Variants in WASHC5 observed in about 807,000 individuals in gnomAD.
The protein encoded by WASHC5 is WASH complex subunit strumpellin.
In WASHC5, 101 loss-of-function variants were observed where a neutral mutation model predicts 150.4. The ratio of observed to expected loss-of-function variants is 0.67; its 90% CI spans 0.57 to 0.79. The LOEUF is 0.79. Among genes scored for constraint, WASHC5 ranks in the 30% least tolerant of loss-of-function variants. The probability of loss-of-function intolerance (pLI) is 0.00; values close to 1 mark genes in which losing one functional copy is unlikely to be tolerated. For missense variants in WASHC5, 1,195 were observed against 1,396.3 expected, an observed-to-expected ratio of 0.86 and a Z score of 2.30; for synonymous variants, 467 against 491.2, an observed-to-expected ratio of 0.95 and a Z score of 0.65.
intron 17 of WASHC5, among the ~76,000 whole-genome samples, chr8:125,052,961 G>A (rs1816287583): frequency 6.6e-6 from 1 of 152,056 alleles, no homozygotes; most frequent in East Asian, 1.9e-4. Flanking sequence ...CTACAGTTGG[G>A]CAATATCATC....
intron 1 of WASHC5, among the ~76,000 whole-genome samples, chr8:125,091,139 T>C (rs1012896254): frequency 1.9e-4 from 28 of 149,544 alleles, no homozygotes; most frequent in South Asian, 1.1e-3. Context: ...TTTTTTTTTT[T>C]CCCCCAAATG....
intron 25 of WASHC5, 133 bp from the exon 26 acceptor site, chr8:125,037,466 T>C: frequency 1.5e-6 from 1 of 683,534 alleles, no homozygotes; most frequent in Non-Finnish European, 2.6e-6. Flanking sequence ...GATGGTTCCA[T>C]TAATTTGCTG....
rs1249273582 is a variant in WASHC5 at position 125,078,848 on chromosome 8, C to T, written c.601G>A (p.Ala201Thr). 4 of 1,613,914 alleles carry T rather than the reference C, an allele frequency of 2.5e-6. No homozygotes were observed. Among genetic ancestry groups the T allele is most frequent in the Non-Finnish European group, 3.4e-6 (4 of 1,179,880 alleles). Residue 201 changes from alanine (A) to threonine (T), a missense_variant, in exon 6 of 29, where the codon GCC (alanine) becomes ACC (threonine). Physicochemically the swap from Ala to Thr is moderately conservative, Grantham distance 58. Transcript: ENST00000318410. ...RSTGYSSQPGAKRPSNYPESY... is the reference protein window; with the variant it reads ...RSTGYSSQPGTKRPSNYPESY... ...TCGGGATAGTTGGATGGTCTTTTGG[C>T]ACCTGGTTGGCTAGAATAACCTGTA...
At position 125,081,635 on chromosome 8, in the gene WASHC5, G is replaced by C. The variant is rs773076563; in HGVS notation, c.518+26C>G. ...GCATTTTACCGACAGCAGCGTTTCG[G>C]AAGTGTAGTCCTAGCCCAGGAATAC... On this transcript the variant is annotated intron_variant, in intron 5 of 28. Transcript: ENST00000318410. The C allele has an allele frequency of 1.0e-5, 14 of 1,333,848 alleles. No individual in the cohort carries two copies. The East Asian group carries it at 1.1e-4, about 11-fold the overall frequency. The allele number at this position is 1,333,848 out of a possible 1,614,324, so 82.6% of individuals were successfully genotyped here.
intron 20 of WASHC5, among the ~76,000 whole-genome samples, chr8:125,045,448 T>G (rs1816037357): frequency 6.6e-6 from 1 of 152,194 alleles, no homozygotes; most frequent in Non-Finnish European, 1.5e-5. Context: ...TTCAATGGTT[T>G]TCAAACACTG....
At chr8:125,074,955 T>C (rs1196525761) in intron 8 of WASHC5, 43 bp downstream of exon 8, 2 of 1,134,404 alleles carry the variant, frequency 1.8e-6, no homozygotes, top group African/African-American at 3.1e-5. Flanking sequence ...CTTCATAAAC[T>C]AGGCCTGCAG....
At chr8:125,069,490 C>T (rs1288901582) in intron 9 of WASHC5, among the ~76,000 whole-genome samples, 4 of 152,326 alleles carry the variant, frequency 2.6e-5, no homozygotes, top group African/African-American at 9.6e-5. Flanking sequence ...CCCCCTCCTG[C>T]CTTCCTAGTC....
In WASHC5 at chr8:125,067,657, A is replaced by T. The variant is rs1336937876; in HGVS notation, c.1213T>A (p.Tyr405Asn). 6.2e-7 allele frequency: 1 copy of T among 1,613,416 alleles called. No homozygotes were observed. Among genetic ancestry groups the T allele is most frequent in the East Asian group, 2.2e-5 (1 of 44,868 alleles). ...AGCTGGAAGAGGATCCTGGGATTGT[A>T]CCGAGAGTCTGTTAGAATCTGGTCC... is the stretch of plus-strand genomic sequence containing the variant. ...IKDQILTDSR[Y>N]NPRILFQLLL... Residue 405 changes from tyrosine to asparagine, a missense_variant, in exon 10 of 29, where the codon TAC becomes AAC. Tyr to Asn is a moderately radical substitution (Grantham distance 143). Coordinates refer to ENST00000318410, the MANE Select transcript of WASHC5 (RefSeq NM_014846.4).
chr8:125,025,612 A>T (rs1201436559), intron 28 of WASHC5, among the ~76,000 whole-genome samples: 1 of 152,128 alleles, frequency 6.6e-6, no homozygotes, highest in Non-Finnish European at 1.5e-5. Flanking sequence ...CACTTGAACC[A>T]GGGAGGCGGA....
chr8:125,062,283 T>C (rs1422655316), intron 11 of WASHC5, among the ~76,000 whole-genome samples: 4 of 152,196 alleles, frequency 2.6e-5, no homozygotes, highest in South Asian at 2.1e-4. Context: ...TTAAGATGTG[T>C]ATCTTACAGG....
chr8:125,091,342 G>A lies in WASHC5; in HGVS notation c.-125+273C>T, dbSNP rs112860325. Among the ~76,000 whole-genome samples, 259 of 152,254 alleles carry A rather than the reference G, an allele frequency of 1.7e-3. 2 individuals carry two copies. The highest frequency in any genetic ancestry group is 6.0e-3 in the African/African-American group (251 of 41,562). Reference sequence around the variant, plus strand: ...AAATAACGACGACATCCATACAGCAGTGTTCCCGGAAACTTGGAAGGATGA... The same window carrying A: ...AAATAACGACGACATCCATACAGCAATGTTCCCGGAAACTTGGAAGGATGA... On this transcript the variant is annotated intron_variant, in intron 1 of 28. Coordinates refer to ENST00000318410, the MANE Select transcript of WASHC5 (RefSeq NM_014846.4).
chr8:125,043,166 T>C (rs1373649288), intron 23 of WASHC5, among the ~76,000 whole-genome samples: 2 of 152,170 alleles, frequency 1.3e-5, no homozygotes, highest in African/African-American at 4.8e-5. Flanking sequence ...CTGGGTATAA[T>C]GGGTGTGCAA....
intron 16 of WASHC5, 95 bp downstream of exon 16, chr8:125,056,582 G>A: frequency 7.0e-7 from 1 of 1,426,572 alleles, no homozygotes; most frequent in South Asian, 1.1e-5. Context: ...AATTGGTCTG[G>A]TGGTCCCCAG....
chr8:125,068,625 G>A lies in WASHC5; in HGVS notation c.1151-906C>T, dbSNP rs189720959. 6.7e-3 allele frequency among the ~76,000 whole-genome samples: 1,014 copies of A among 152,298 alleles called. 5 individuals are homozygous for A. The highest frequency in any genetic ancestry group is 9.4e-3 in the Non-Finnish European group (638 of 68,014). On this transcript the variant is annotated intron_variant, in intron 9 of 28. Transcript: ENST00000318410. ...GTGAATCACTGAAGCCAGAGTGGTCGTGGGGAATGCCCGACACAACAAGGA... is the reference window on the plus strand; with the variant it reads ...GTGAATCACTGAAGCCAGAGTGGTCATGGGGAATGCCCGACACAACAAGGA...
intron 12 of WASHC5, among the ~76,000 whole-genome samples, chr8:125,059,996 T>C (rs959340039): frequency 6.6e-6 from 1 of 152,230 alleles, no homozygotes; most frequent in East Asian, 1.9e-4. Context: ...AGTGTGCAAT[T>C]GTTCTGGAAT....
At chr8:125,069,408 A>C (rs1407100688) in intron 9 of WASHC5, among the ~76,000 whole-genome samples, 2 of 152,242 alleles carry the variant, frequency 1.3e-5, no homozygotes, top group African/African-American at 2.4e-5. Context: ...TCTAAGACTT[A>C]AACAGACTTT....
At chr8:125,066,238 A>G (rs1314343535) in intron 10 of WASHC5, among the ~76,000 whole-genome samples, 1 of 152,196 alleles carries the variant, frequency 6.6e-6, no homozygotes, top group African/African-American at 2.4e-5. Flanking sequence ...ATCACTGAAA[A>G]CACTAAGCAC....
intron 26 of WASHC5, among the ~76,000 whole-genome samples, chr8:125,036,114 TCATA>T (rs1375294939): frequency 6.6e-6 from 1 of 152,226 alleles, no homozygotes; most frequent in African/African-American, 2.4e-5. Context: ...TGACATACAA[TCATA>T]CATAAAGTAT....
Position 125,024,593 on chromosome 8 carries a change from C to T in WASHC5, c.*24G>A, listed in dbSNP as rs768266028. 2.6e-5 allele frequency: 41 copies of T among 1,548,816 alleles called. 1 individual carries two copies. In the South Asian group the frequency reaches 4.6e-4, roughly 17 times the overall value. On this transcript the variant is annotated 3_prime_UTR_variant, in exon 29 of 29. Transcript: ENST00000318410. ...GTGGGAAGATCTAAGGACAATCCTTCCATTGAAGAAGTAGGAAAAACAGTT... is the reference window on the plus strand; with the variant it reads ...GTGGGAAGATCTAAGGACAATCCTTTCATTGAAGAAGTAGGAAAAACAGTT...
Sources: allele counts gnomAD v4.1 joint callset (sites outside exome capture counted in the v4.1 genomes callset), GRCh38; gene constraint gnomAD v4.1.1; transcripts MANE v1.5; gene names NCBI Gene and HGNC (gene_info 2026-07-23, HGNC 2026-07-21).